The following MAGI2 variants were observed in gnomAD, a reference collection of about 807,000 sequenced individuals.
MAGI2 encodes the protein membrane associated guanylate kinase, WW and PDZ domain containing 2, also known as membrane-associated guanylate kinase, WW and PDZ domain-containing protein 2.
MAGI2 carries 35 observed loss-of-function variants against 133.3 expected under a neutral mutation model. That is an observed-to-expected ratio of 0.26 (90% CI 0.20 to 0.35). The LOEUF is 0.35. Among genes scored for constraint, MAGI2 ranks in the 10% least tolerant of loss-of-function variants. The probability of loss-of-function intolerance (pLI) is 1.00; values close to 1 mark genes in which losing one functional copy is unlikely to be tolerated. For synonymous variants in MAGI2, 729 were observed against 710.6 expected (o/e 1.03, Z -0.41); for missense variants, 1,636 against 1,863.4 (o/e 0.88, Z 2.25).
intron 3 of MAGI2, among the ~76,000 whole-genome samples, chr7:78,566,638 T>C (rs918868849): frequency 2.0e-5 from 3 of 152,088 alleles, no homozygotes; most frequent in Non-Finnish European, 2.9e-5. Context: ...TAGCAAGCTA[T>C]GTGTAGTAAA....
chr7:79,397,709 A>G (rs979662593), intron 1 of MAGI2, among the ~76,000 whole-genome samples: 2 of 152,100 alleles, frequency 1.3e-5, no homozygotes, highest in African/African-American at 2.4e-5. Context: ...AACCTTAAAA[A>G]CAATTATTTT....
chr7:78,951,714 T>G (rs1293631035), intron 2 of MAGI2, among the ~76,000 whole-genome samples: 1 of 152,224 alleles, frequency 6.6e-6, no homozygotes, highest in East Asian at 1.9e-4. Context: ...CTTTATCTCT[T>G]CATCCAACCA....
intron 2 of MAGI2, among the ~76,000 whole-genome samples, chr7:78,914,120 A>G (rs1049881704): frequency 6.6e-6 from 1 of 152,232 alleles, no homozygotes; most frequent in Admixed American, 6.5e-5. Context: ...CTCAGCAGTT[A>G]TGGTGAATTA....
chr7:78,448,964 G>A (rs1357299526), intron 6 of MAGI2, among the ~76,000 whole-genome samples: 3 of 151,994 alleles, frequency 2.0e-5, no homozygotes, highest in African/African-American at 7.2e-5. Context: ...CAGTGTGGGC[G>A]ATTCAGCAGG....
chr7:79,111,754 C>T (rs565189626), intron 1 of MAGI2, among the ~76,000 whole-genome samples: 1 of 152,026 alleles, frequency 6.6e-6, no homozygotes, highest in Non-Finnish European at 1.5e-5. Context: ...GCAAGCTCCG[C>T]CTCCCAGGTT....
intron 9 of MAGI2, among the ~76,000 whole-genome samples, chr7:78,279,215 C>T (rs1795322784): frequency 6.6e-6 from 1 of 152,124 alleles, no homozygotes. Flanking sequence ...CCTGTTGACT[C>T]AAACGGTGGT....
At chr7:78,287,460 G>A (rs995920140) in intron 9 of MAGI2, among the ~76,000 whole-genome samples, 4 of 152,186 alleles carry the variant, frequency 2.6e-5, no homozygotes, top group Admixed American at 1.3e-4. Context: ...AGCATATCAT[G>A]TAGACAATGA....
intron 2 of MAGI2, among the ~76,000 whole-genome samples, chr7:78,970,159 C>G (rs1803666990): frequency 6.6e-6 from 1 of 152,022 alleles, no homozygotes; most frequent in Non-Finnish European, 1.5e-5. Flanking sequence ...GCTTCATAAT[C>G]AACTAGATTA....
intron 9 of MAGI2, among the ~76,000 whole-genome samples, chr7:78,329,242 T>C (rs798311): frequency 0.87 from 131,689 of 152,196 alleles, 57,300 homozygotes; most frequent in African/African-American, 0.94. Flanking sequence ...CAGACTCCAG[T>C]GCACTCTATC....
At chr7:78,468,739 G>T (rs1259532005) in intron 6 of MAGI2, among the ~76,000 whole-genome samples, 1 of 152,142 alleles carries the variant, frequency 6.6e-6, no homozygotes, top group Non-Finnish European at 1.5e-5. Flanking sequence ...TAAAAGCAAA[G>T]GACGCCTCTG....
At chr7:78,426,999 C>T (rs1284761065) in intron 6 of MAGI2, among the ~76,000 whole-genome samples, 1 of 152,168 alleles carries the variant, frequency 6.6e-6, no homozygotes, top group Non-Finnish European at 1.5e-5. Flanking sequence ...TAGAACTCTA[C>T]TGTTTCAATG....
At chr7:79,323,915 A>G (rs1424204014) in intron 1 of MAGI2, among the ~76,000 whole-genome samples, 1 of 152,026 alleles carries the variant, frequency 6.6e-6, no homozygotes, top group Non-Finnish European at 1.5e-5. Context: ...GCTTAACACC[A>G]CCATGTGGAT....
chr7:78,894,642 GTTTAAA>G (rs776388233), intron 2 of MAGI2, among the ~76,000 whole-genome samples: 4 of 151,982 alleles, frequency 2.6e-5, no homozygotes, highest in Non-Finnish European at 5.9e-5. Flanking sequence ...CAAGAAACCA[GTTTAAA>G]TTTAAGATTA....
chr7:78,979,499 G>C (rs1198531793), intron 2 of MAGI2, among the ~76,000 whole-genome samples: 2 of 151,832 alleles, frequency 1.3e-5, no homozygotes, highest in Non-Finnish European at 2.9e-5. Context: ...TGAATTTCTT[G>C]CTTCTCCCTG....
intron 9 of MAGI2, among the ~76,000 whole-genome samples, chr7:78,324,126 CACACT>C (rs199831383): frequency 0.017 from 2,561 of 147,322 alleles, 48 homozygotes; most frequent in Admixed American, 0.036. Flanking sequence ...AAATAATTGA[CACACT>C]ACACTACACT....
intron 6 of MAGI2, among the ~76,000 whole-genome samples, chr7:78,429,232 C>T (rs1702854520): frequency 6.6e-6 from 1 of 152,016 alleles, no homozygotes; most frequent in Admixed American, 6.6e-5. Context: ...TTGTAACTGA[C>T]CCAAACATCA....
At chr7:78,754,150 G>A (rs1823720936) in intron 2 of MAGI2, among the ~76,000 whole-genome samples, 2 of 152,080 alleles carry the variant, frequency 1.3e-5, no homozygotes, top group Admixed American at 1.3e-4. Flanking sequence ...GCTGAGGCAG[G>A]TGGATCGCTT....
chr7:78,356,471 T>C (rs967682334), intron 7 of MAGI2, among the ~76,000 whole-genome samples: 12 of 152,144 alleles, frequency 7.9e-5, no homozygotes, highest in Admixed American at 1.3e-4. Context: ...ACGGAGGATA[T>C]TGAATGTTCC....
At chr7:78,617,072 T>C (rs576255891) in intron 3 of MAGI2, 1 of 152,150 alleles carries the variant, frequency 6.6e-6, no homozygotes, top group African/African-American at 2.4e-5. Context: ...AAGTCCAATT[T>C]TGGATAAGGT....
Sources: allele counts gnomAD v4.1 joint callset (sites outside exome capture counted in the v4.1 genomes callset), GRCh38; gene constraint gnomAD v4.1.1; transcripts MANE v1.5; gene names NCBI Gene and HGNC (gene_info 2026-07-23, HGNC 2026-07-21).